FGGY: variants seen among roughly 807,000 people sequenced by gnomAD.
The protein encoded by FGGY is FGGY carbohydrate kinase domain containing.
A neutral mutation model predicts 71.3 loss-of-function variants in FGGY; 72 were observed. The ratio of observed to expected loss-of-function variants is 1.01; its 90% CI spans 0.84 to 1.23. FGGY has a LOEUF of 1.23. FGGY is among the 50% of genes most tolerant of loss of function. FGGY has a pLI of 0.00. For missense variants in FGGY, 668 were observed against 682.3 expected (o/e 0.98, Z 0.23); for synonymous variants, 251 against 250.3 (o/e 1.00, Z -0.02).
intron 4 of FGGY, among the ~76,000 whole-genome samples, chr1:59,347,526 C>T (rs2052324614): frequency 6.6e-6 from 1 of 152,034 alleles, no homozygotes; most frequent in African/African-American, 2.4e-5. Context: ...GGTTCCAAGT[C>T]TTTGCTGTTG....
At chr1:59,313,361 T>A (rs1368302527) in intron 1 of FGGY, among the ~76,000 whole-genome samples, 1 of 152,212 alleles carries the variant, frequency 6.6e-6, no homozygotes, top group Non-Finnish European at 1.5e-5. Context: ...ATAATGTATT[T>A]TTCAGCCCCT....
intron 5 of FGGY, among the ~76,000 whole-genome samples, chr1:59,421,400 A>T (rs946202336): frequency 6.6e-6 from 1 of 152,076 alleles, no homozygotes; most frequent in Non-Finnish European, 1.5e-5. Flanking sequence ...TTACAGAAAA[A>T]TTTTTTAAAA....
rs140895621 is a variant in FGGY at position 59,691,802 on chromosome 1, C to A, written c.1512+17669C>A. Among the ~76,000 whole-genome samples the A allele has an allele frequency of 3.7e-3, 560 of 152,140 alleles. 8 individuals carry two copies. The highest frequency in any genetic ancestry group is 0.013 in the African/African-American group (536 of 41,512). Reference sequence around the variant, plus strand: ...TAGAAGATTACTGAAGATTTAATTCCATTTATGTCATTGGATTTGTAAAAA... The same window carrying A: ...TAGAAGATTACTGAAGATTTAATTCAATTTATGTCATTGGATTTGTAAAAA... On this transcript the variant is annotated intron_variant, in intron 14 of 15. Coordinates refer to ENST00000303721, the MANE Select transcript of FGGY (RefSeq NM_018291.5).
At chr1:59,490,436 G>A (rs989907121) in intron 6 of FGGY, among the ~76,000 whole-genome samples, 2 of 152,108 alleles carry the variant, frequency 1.3e-5, no homozygotes, top group South Asian at 2.1e-4. Flanking sequence ...CCAATGAATA[G>A]TTTGCAAGTA....
At chr1:59,574,577 G>GT (rs1381170794) in intron 8 of FGGY, among the ~76,000 whole-genome samples, 1 of 151,912 alleles carries the variant, frequency 6.6e-6, no homozygotes, top group African/African-American at 2.4e-5. Context: ...ATTTAAATGT[G>GT]TTTTTTAAGG....
intron 9 of FGGY, among the ~76,000 whole-genome samples, chr1:59,625,588 A>G (rs541153778): frequency 6.6e-6 from 1 of 152,260 alleles, no homozygotes; most frequent in East Asian, 1.9e-4. Context: ...GACATTGCCC[A>G]GGGATGACAG....
chr1:59,430,519 T>A (rs2067156789), intron 5 of FGGY, among the ~76,000 whole-genome samples: 1 of 152,190 alleles, frequency 6.6e-6, no homozygotes. Flanking sequence ...ATTGGATTTT[T>A]TTAGGAGCAG....
chr1:59,489,587 T>A (rs927955697), intron 6 of FGGY, among the ~76,000 whole-genome samples: 1 of 152,188 alleles, frequency 6.6e-6, no homozygotes, highest in African/African-American at 2.4e-5. Flanking sequence ...CCATTGTGTA[T>A]GTATATCACA....
chr1:59,432,401 T>C (rs2067563775), intron 5 of FGGY, among the ~76,000 whole-genome samples: 1 of 152,220 alleles, frequency 6.6e-6, no homozygotes, highest in Non-Finnish European at 1.5e-5. Context: ...ATGGAAGGCC[T>C]AGACTTTTGA....
chr1:59,604,752 T>A (rs1310788899), intron 8 of FGGY, among the ~76,000 whole-genome samples: 1 of 152,154 alleles, frequency 6.6e-6, no homozygotes, highest in African/African-American at 2.4e-5. Context: ...TTACACAACC[T>A]CTTGGGGACT....
chr1:59,478,622 A>G (rs1188462752), intron 6 of FGGY, among the ~76,000 whole-genome samples: 2 of 152,226 alleles, frequency 1.3e-5, no homozygotes. Context: ...GGGCAAGATA[A>G]TGAGTTTGTG....
chr1:59,630,337 G>A (rs2096897261), intron 10 of FGGY, among the ~76,000 whole-genome samples: 1 of 152,088 alleles, frequency 6.6e-6, no homozygotes, highest in African/African-American at 2.4e-5. Flanking sequence ...GAGGAAGTTT[G>A]GTGGTGGTTG....
intron 8 of FGGY, among the ~76,000 whole-genome samples, chr1:59,580,438 T>C (rs1334971711): frequency 6.6e-6 from 1 of 152,108 alleles, no homozygotes; most frequent in African/African-American, 2.4e-5. Flanking sequence ...ATCCTGTGCA[T>C]CCTCTCAGAC....
chr1:59,492,961 T>A (rs943494998), intron 6 of FGGY, among the ~76,000 whole-genome samples: 5 of 152,180 alleles, frequency 3.3e-5, no homozygotes, highest in Admixed American at 2.0e-4. Context: ...ACCATTTATC[T>A]TTTTACTTTT....
At chr1:59,532,644 A>C (rs1201829708) in intron 7 of FGGY, among the ~76,000 whole-genome samples, 2 of 152,212 alleles carry the variant, frequency 1.3e-5, no homozygotes, top group Non-Finnish European at 2.9e-5. Flanking sequence ...GCAAACTACG[A>C]GTAGAAAGGA....
chr1:59,651,553 T>C (rs1257905219), intron 11 of FGGY, among the ~76,000 whole-genome samples: 8 of 147,210 alleles, frequency 5.4e-5, no homozygotes, highest in Non-Finnish European at 1.2e-4. Context: ...AAGTCTGTTT[T>C]ATCAGAGACT....
chr1:59,343,683 A>C (rs2051172209), intron 3 of FGGY, among the ~76,000 whole-genome samples: 1 of 152,194 alleles, frequency 6.6e-6, no homozygotes, highest in African/African-American at 2.4e-5. Context: ...AGATTAAATG[A>C]ACTTTCAGTT....
chr1:59,712,028 C>A (rs1386528110), intron 14 of FGGY, among the ~76,000 whole-genome samples: 1 of 152,200 alleles, frequency 6.6e-6, no homozygotes, highest in Non-Finnish European at 1.5e-5. Context: ...GTCCCTTCTG[C>A]CTATGAGCAT....
At chr1:59,339,513 G>T (rs2050230666) in intron 2 of FGGY, among the ~76,000 whole-genome samples, 1 of 151,866 alleles carries the variant, frequency 6.6e-6, no homozygotes, top group South Asian at 2.1e-4. Flanking sequence ...TGCCCAGGCT[G>T]GAGTACAATG....
Sources: allele counts gnomAD v4.1 joint callset (sites outside exome capture counted in the v4.1 genomes callset), GRCh38; gene constraint gnomAD v4.1.1; transcripts MANE v1.5; gene names NCBI Gene and HGNC (gene_info 2026-07-23, HGNC 2026-07-21).